PCED1B: variants seen among roughly 807,000 people sequenced by gnomAD.
PCED1B encodes the protein PC-esterase domain-containing protein 1B.
For synonymous variants in PCED1B, 251 were observed against 246.1 expected (o/e 1.02, Z -0.19); for missense variants, 573 against 573.9 (o/e 1.00, Z 0.02).
intron 3 of PCED1B, among the ~76,000 whole-genome samples, chr12:47,233,342 C>T (rs1208929589): frequency 1.3e-5 from 2 of 152,044 alleles, no homozygotes; most frequent in South Asian, 2.1e-4. Flanking sequence ...GGGGTTTCAC[C>T]GTGGTAGCCA....
chr12:47,175,255 G>C (rs1941884967), intron 2 of PCED1B, among the ~76,000 whole-genome samples: 1 of 152,130 alleles, frequency 6.6e-6, no homozygotes, highest in Non-Finnish European at 1.5e-5. Context: ...TAGATGCAAA[G>C]TGCAAAAGTG....
At chr12:47,079,938 C>A (rs577680829) in intron 1 of PCED1B, 1 of 151,576 alleles carries the variant, frequency 6.6e-6, no homozygotes, top group Non-Finnish European at 1.5e-5. Context: ...CTGCCTCCTG[C>A]GGGCAGCAGC....
chr12:47,164,676 C>T (rs1316238322), intron 2 of PCED1B, among the ~76,000 whole-genome samples: 1 of 152,228 alleles, frequency 6.6e-6, no homozygotes. Context: ...GGTGGCTCCA[C>T]CCTTGTGGCA....
At chr12:47,230,209 C>G (rs1053818962) in intron 3 of PCED1B, among the ~76,000 whole-genome samples, 18 of 149,172 alleles carry the variant, frequency 1.2e-4, no homozygotes, top group Admixed American at 1.1e-3. Context: ...CTCAGCCTCC[C>G]GAGTAGCTGG....
chr12:47,234,859 A>T, intron 3 of PCED1B, 148 bp from the exon 4 acceptor site: 1 of 414,626 alleles, frequency 2.4e-6, no homozygotes, highest in South Asian at 1.1e-4. Flanking sequence ...GGCTTGGTGG[A>T]GCCTGTTATG....
chr12:47,088,072 C>T (rs1041453267), intron 1 of PCED1B, among the ~76,000 whole-genome samples: 4 of 152,102 alleles, frequency 2.6e-5, no homozygotes, highest in South Asian at 2.1e-4. Flanking sequence ...AAGATGGAAA[C>T]GCAGTACTAA....
At chr12:47,103,551 G>C (rs528129052) in intron 1 of PCED1B, among the ~76,000 whole-genome samples, 1 of 152,304 alleles carries the variant, frequency 6.6e-6, no homozygotes, top group South Asian at 2.1e-4. Context: ...TAGCAGAATA[G>C]TTCACGAATC....
At chr12:47,079,799 G>T (rs1000071932) in intron 1 of PCED1B, 74 bp downstream of exon 1, 4 of 149,850 alleles carry the variant, frequency 2.7e-5, no homozygotes, top group African/African-American at 7.3e-5. Flanking sequence ...GGCCGCGGGA[G>T]GGGGCGCAGG....
intron 2 of PCED1B, among the ~76,000 whole-genome samples, chr12:47,113,807 C>T (rs1315669258): frequency 2.6e-5 from 4 of 151,884 alleles, no homozygotes; most frequent in African/African-American, 7.3e-5. Context: ...GTCAGGAGTT[C>T]GAAACCAGCC....
intron 2 of PCED1B, among the ~76,000 whole-genome samples, chr12:47,161,163 C>A (rs946187665): frequency 6.6e-6 from 1 of 152,156 alleles, no homozygotes. Flanking sequence ...ATCACTCAGT[C>A]TCAGTTATTC....
intron 1 of PCED1B, among the ~76,000 whole-genome samples, chr12:47,103,002 T>A (rs1938780609): frequency 6.6e-6 from 1 of 152,154 alleles, no homozygotes. Context: ...TCCTGTCTTG[T>A]ATGCTCTCTT....
At chr12:47,111,684 G>A (rs1263219180) in intron 2 of PCED1B, among the ~76,000 whole-genome samples, 1 of 152,064 alleles carries the variant, frequency 6.6e-6, no homozygotes, top group Non-Finnish European at 1.5e-5. Context: ...ATTGTTCTGT[G>A]TTTGTTCTTT....
At chr12:47,197,845 G>A (rs1325351819) in intron 2 of PCED1B, among the ~76,000 whole-genome samples, 2 of 151,858 alleles carry the variant, frequency 1.3e-5, no homozygotes, top group South Asian at 4.1e-4. Context: ...CCCACACAAA[G>A]AGAAATAGAT....
intron 1 of PCED1B, among the ~76,000 whole-genome samples, chr12:47,091,453 T>C (rs759015873): frequency 2.0e-5 from 3 of 152,152 alleles, no homozygotes; most frequent in Non-Finnish European, 2.9e-5. Context: ...TGTGTTTGCA[T>C]TGGATATAAA....
chr12:47,215,852 C>T (rs2064041552), intron 2 of PCED1B, among the ~76,000 whole-genome samples: 1 of 135,482 alleles, frequency 7.4e-6, no homozygotes, highest in Non-Finnish European at 1.6e-5. Flanking sequence ...GTAAGGAGTT[C>T]GAGACCAGAC....
chr12:47,163,045 G>A (rs60508095), intron 2 of PCED1B, among the ~76,000 whole-genome samples: 3,272 of 152,212 alleles, frequency 0.021, 91 homozygotes, highest in African/African-American at 0.062. Flanking sequence ...ACAATATTAA[G>A]TCTTTCAATC....
At chr12:47,171,309 C>G (rs145896867) in intron 2 of PCED1B, among the ~76,000 whole-genome samples, 1 of 152,174 alleles carries the variant, frequency 6.6e-6, no homozygotes, top group South Asian at 2.1e-4. Flanking sequence ...TCAGGTGATC[C>G]GCCCACCTTG....
chr12:47,229,308 G>A (rs1003449976), intron 3 of PCED1B, among the ~76,000 whole-genome samples: 1 of 151,774 alleles, frequency 6.6e-6, no homozygotes, highest in Non-Finnish European at 1.5e-5. Flanking sequence ...TAGCTACTCG[G>A]GAGGCCAAGA....
At chr12:47,086,834 T>C (rs1017144715) in intron 1 of PCED1B, among the ~76,000 whole-genome samples, 4 of 152,196 alleles carry the variant, frequency 2.6e-5, no homozygotes, top group African/African-American at 9.6e-5. Context: ...TTTAGAGAAC[T>C]ATATGAAGCA....
Sources: gnomAD v4.1 joint callset for allele counts (sites outside exome capture counted in the v4.1 genomes callset) on GRCh38, gnomAD v4.1.1 for gene constraint, MANE v1.5 for transcripts, NCBI Gene and HGNC (gene_info 2026-07-23, HGNC 2026-07-21) for gene names.